ARSB: variants seen among roughly 807,000 people sequenced by gnomAD.
The protein encoded by ARSB is arylsulfatase B.
ARSB carries 41 observed loss-of-function variants against 50.9 expected under a neutral mutation model. The ratio of observed to expected loss-of-function variants is 0.81; its 90% confidence interval spans 0.63 to 1.04. The LOEUF is 1.04. ARSB is among the 50% of genes least tolerant of loss of function. The pLI is 0.00. For synonymous variants in ARSB, 269 were observed against 284.8 expected (o/e 0.94, Z 0.56); for missense variants, 672 against 693.3 (o/e 0.97, Z 0.35).
chr5:78,840,302 G>A (rs1012325053), intron 5 of ARSB, among the ~76,000 whole-genome samples: 1 of 152,170 alleles, frequency 6.6e-6, no homozygotes, highest in African/African-American at 2.4e-5. Flanking sequence ...GCAAAGTACT[G>A]TTAACACCAC....
Position 78,813,080 on chromosome 5 carries a change from CT to C in ARSB, c.1213+26275del, listed in dbSNP as rs909023728. Among the ~76,000 whole-genome samples the C allele has an allele frequency of 1.6e-3, 235 of 150,054 alleles. 1 individual carries two copies. Among genetic ancestry groups the C allele is most frequent in the Middle Eastern group, 3.5e-3 (1 of 288 alleles). On this transcript the variant is annotated intron_variant, in intron 6 of 7. Coordinates refer to ENST00000264914, the MANE Select transcript of ARSB (RefSeq NM_000046.5). The stretch of plus-strand genomic sequence containing the variant: ...AGTAAATTTCTTCCTTCCTTCCTTT[CT>C]TTTTTTTTTCTCTTGCTCTGTCACC...
At chr5:78,908,383 A>G (rs571792776) in intron 4 of ARSB, among the ~76,000 whole-genome samples, 66 of 146,814 alleles carry the variant, frequency 4.5e-4, no homozygotes, top group Non-Finnish European at 7.8e-4. Context: ...GTGGTTTACC[A>G]TATCAGGATA....
intron 6 of ARSB, among the ~76,000 whole-genome samples, chr5:78,799,322 G>A (rs1381795558): frequency 6.6e-6 from 1 of 152,208 alleles, no homozygotes; most frequent in Non-Finnish European, 1.5e-5. Flanking sequence ...TTCTGAGATT[G>A]CTGAAGCCTC....
chr5:78,807,076 TG>T (rs1743593115), intron 6 of ARSB, among the ~76,000 whole-genome samples: 1 of 151,974 alleles, frequency 6.6e-6, no homozygotes. Flanking sequence ...GAGCATTCCG[TG>T]TTGGGGTGTG....
chr5:78,841,948 G>A (rs1745234471), intron 5 of ARSB, among the ~76,000 whole-genome samples: 1 of 152,066 alleles, frequency 6.6e-6, no homozygotes, highest in South Asian at 2.1e-4. Flanking sequence ...TTAGAGATAT[G>A]GGCCAAGAAA....
At chr5:78,937,325 T>TATATATATC (rs1561512520) in intron 4 of ARSB, among the ~76,000 whole-genome samples, 1 of 57,970 alleles carries the variant, frequency 1.7e-5, no homozygotes, top group Non-Finnish European at 3.1e-5. Context: ...ATATGTAAGA[T>TATATATATC]ATATATATGT....
At chr5:78,813,416 T>A (rs1743885103) in intron 6 of ARSB, among the ~76,000 whole-genome samples, 1 of 152,208 alleles carries the variant, frequency 6.6e-6, no homozygotes, top group Non-Finnish European at 1.5e-5. Context: ...AAATTAAACA[T>A]GAGATATAAT....
intron 5 of ARSB, among the ~76,000 whole-genome samples, chr5:78,876,768 A>G (rs1479786373): frequency 6.6e-6 from 1 of 152,150 alleles, no homozygotes; most frequent in Non-Finnish European, 1.5e-5. Context: ...ACCGGTACCC[A>G]TCTGTGGCCT....
At chr5:78,812,689 CAT>C (rs955518430) in intron 6 of ARSB, among the ~76,000 whole-genome samples, 2 of 151,714 alleles carry the variant, frequency 1.3e-5, no homozygotes, top group African/African-American at 2.4e-5. Context: ...TACTGGTACA[CAT>C]GAGTTTAATA....
At chr5:78,846,328 CT>C (rs1311530789) in intron 5 of ARSB, among the ~76,000 whole-genome samples, 1 of 152,130 alleles carries the variant, frequency 6.6e-6, no homozygotes, top group African/African-American at 2.4e-5. Flanking sequence ...ATGCCTCCAA[CT>C]TTGTTCTTTT....
In ARSB at chr5:78,780,379, T is replaced by C; in HGVS notation, c.*18A>G. On this transcript the variant is annotated 3_prime_UTR_variant, in exon 8 of 8. Coordinates refer to ENST00000264914, the MANE Select transcript of ARSB (RefSeq NM_000046.5). Reference sequence around the variant, plus strand: ...GGTCCAACTTCCAATTGAAAGGTTTTCTAGCCTCCCTGAAATCCTACATCC... The same window carrying C: ...GGTCCAACTTCCAATTGAAAGGTTTCCTAGCCTCCCTGAAATCCTACATCC... 1 of 1,613,640 alleles carries C rather than the reference T, an allele frequency of 6.2e-7. No individual in the cohort carries two copies. The highest frequency in any genetic ancestry group is 8.5e-7 in the Non-Finnish European group (1 of 1,179,996).
Position 78,868,179 on chromosome 5 carries a change from C to T in ARSB, c.1142+17405G>A, listed in dbSNP as rs1253898367. 5.0e-5 allele frequency among the ~76,000 whole-genome samples: 7 copies of T among 140,982 alleles called. No homozygotes were observed. In the East Asian group the frequency reaches 1.4e-3, roughly 28 times the overall value. The allele number at this position is 140,982 out of a possible 152,430, so 92.5% of individuals were successfully genotyped here. On this transcript the variant is annotated intron_variant, in intron 5 of 7. Transcript: ENST00000264914. ...GGACTATGTGAAAAGACCAAATCTA[C>T]GTCTGATTGGTGTACCTGAAAGTGA...
intron 1 of ARSB, among the ~76,000 whole-genome samples, chr5:78,971,526 G>C (rs980207228): frequency 6.6e-6 from 1 of 152,186 alleles, no homozygotes; most frequent in East Asian, 1.9e-4. Context: ...GTGTTTGTGA[G>C]TATTTTATTT....
chr5:78,782,580 C>A (rs148771751), intron 6 of ARSB, among the ~76,000 whole-genome samples: 1 of 152,226 alleles, frequency 6.6e-6, no homozygotes, highest in African/African-American at 2.4e-5. Flanking sequence ...ATTAATTTAT[C>A]ATTTTTGAGA....
At chr5:78,946,876 TTATACTA>T (rs1228960149) in intron 4 of ARSB, among the ~76,000 whole-genome samples, 1 of 152,080 alleles carries the variant, frequency 6.6e-6, no homozygotes. Flanking sequence ...TGATTTCAAA[TTATACTA>T]TAGAGTTATA....
At position 78,972,278 on chromosome 5, in the gene ARSB, T is replaced by C. The variant is rs559487574; in HGVS notation, c.313-3086A>G. 4.6e-5 allele frequency among the ~76,000 whole-genome samples: 7 copies of C among 152,304 alleles called. No homozygotes were observed. The East Asian group carries it at 9.7e-4, about 21-fold the overall frequency. ...CCTCTCTCCTTCTAGGTTCTGGTAA[T>C]TGGCCCTTCCTTTCTTCTCTTCTGG... On this transcript the variant is annotated intron_variant, in intron 1 of 7. Coordinates refer to ENST00000264914, the MANE Select transcript of ARSB (RefSeq NM_000046.5).
At chr5:78,821,001 C>T (rs1744197682) in intron 6 of ARSB, among the ~76,000 whole-genome samples, 1 of 149,766 alleles carries the variant, frequency 6.7e-6, no homozygotes, top group Non-Finnish European at 1.5e-5. Context: ...AAGTATTGTA[C>T]ACACCACTGC....
Position 78,815,743 on chromosome 5 carries a change from A to G in ARSB, c.1213+23613T>C. 2.6e-6 allele frequency: 3 copies of G among 1,146,538 alleles called. 1 individual carries two copies. The highest frequency in any genetic ancestry group is 2.2e-6 in the Non-Finnish European group (2 of 928,180). 71.0% of individuals were successfully genotyped at this position (1,146,538 alleles called of 1,614,324 possible). ...AAAGGGCTTGCATTTTATTTCCACAAGGAATGAATAAAGGGAAAGGAATTT... is the reference window on the plus strand; with the variant it reads ...AAAGGGCTTGCATTTTATTTCCACAGGGAATGAATAAAGGGAAAGGAATTT... On this transcript the variant is annotated intron_variant, in intron 6 of 7. Transcript: ENST00000264914.
At chr5:78,851,870 C>G (rs143930011) in intron 5 of ARSB, among the ~76,000 whole-genome samples, 34,918 of 151,760 alleles carry the variant, frequency 0.23, 4,766 homozygotes, top group Admixed American at 0.31. Context: ...TTATCAGAGA[C>G]TAGGATTGCA....
Sources: gnomAD v4.1 joint callset for allele counts (sites outside exome capture counted in the v4.1 genomes callset) on GRCh38, gnomAD v4.1.1 for gene constraint, MANE v1.5 for transcripts, NCBI Gene and HGNC (gene_info 2026-07-23, HGNC 2026-07-21) for gene names.